Variants in MARF1 observed in about 807,000 individuals in gnomAD.
MARF1 encodes limkain-b1.
A neutral mutation model predicts 168.2 loss-of-function variants in MARF1; 24 were observed. The ratio of observed to expected loss-of-function variants is 0.14; its 90% CI spans 0.10 to 0.20. The LOEUF is 0.20. Ranked by LOEUF, MARF1 falls within the 10% of genes least tolerant of loss-of-function variation. MARF1 has a pLI of 1.00. For synonymous variants in MARF1, 868 were observed against 822.4 expected, an observed-to-expected ratio of 1.06 and a Z score of -0.95; for missense variants, 1,744 against 2,143.6, an observed-to-expected ratio of 0.81 and a Z score of 3.68.
chr16:15,631,575 T>A, intron 5 of MARF1, 77 bp from the exon 6 acceptor site: 8 of 1,013,216 alleles, frequency 7.9e-6, no homozygotes, highest in Non-Finnish European at 1.2e-5. Context: ...CCATATTTTT[T>A]ATTTTTTAAA....
chr16:15,599,422 G>T (rs2032169835), intron 25 of MARF1, among the ~76,000 whole-genome samples: 1 of 152,164 alleles, frequency 6.6e-6, no homozygotes, highest in African/African-American at 2.4e-5. Context: ...TGCTGACTCT[G>T]GGTGAGCTGT....
intron 1 of MARF1, among the ~76,000 whole-genome samples, 171 bp downstream of exon 1, chr16:15,642,847 A>C (rs1019486865): frequency 6.6e-6 from 1 of 151,828 alleles, no homozygotes; most frequent in African/African-American, 2.4e-5. Context: ...AGACAAGCCA[A>C]CTCTTTCGTG....
intron 3 of MARF1, chr16:15,635,431 A>T: frequency 1.8e-6 from 1 of 544,966 alleles, no homozygotes; most frequent in Non-Finnish European, 3.2e-6. Context: ...AAGAGGCTCT[A>T]AAAGTATAAA....
At chr16:15,602,821 ACT>A (rs2032639988) in intron 22 of MARF1, 1 of 320,698 alleles carries the variant, frequency 3.1e-6, no homozygotes, top group South Asian at 2.5e-5. Context: ...CACAGTGAAC[ACT>A]GGGGCCATTA....
chr16:15,639,346 A>G (rs184415792), intron 1 of MARF1, 55 bp from the exon 2 acceptor site: 10 of 1,168,790 alleles, frequency 8.6e-6, no homozygotes, highest in Non-Finnish European at 1.2e-5. Flanking sequence ...TACAAATTTT[A>G]CAACATACTA....
chr16:15,627,018 GAAAA>G (rs1375806687), intron 7 of MARF1, among the ~76,000 whole-genome samples: 1 of 144,662 alleles, frequency 6.9e-6, no homozygotes, highest in Non-Finnish European at 1.5e-5. Context: ...GAAAAAGAAA[GAAAA>G]GAGAGAGAGA....
rs1208542268 is a variant in MARF1 at position 15,596,507 on chromosome 16, AAAAG to A, written c.*182_*185del. 2 of 462,146 alleles carry A rather than the reference AAAAG, an allele frequency of 4.3e-6. No homozygotes were observed. The highest frequency in any genetic ancestry group is 2.0e-5 in the African/African-American group (1 of 49,784). 28.6% of individuals were successfully genotyped at this position (462,146 alleles called of 1,614,324 possible). ...GAAAAAAGAAAGAAAAAGGAAGAAGAAAAGAAAGACTTCAGCTCAAAGCTGTGTT... is the reference window on the plus strand; with the variant it reads ...GAAAAAAGAAAGAAAAAGGAAGAAGAAAAGACTTCAGCTCAAAGCTGTGTT... On this transcript the variant is annotated 3_prime_UTR_variant, in exon 27 of 27. Transcript: ENST00000396368.
At chr16:15,629,955 A>C (rs1480771614) in intron 7 of MARF1, among the ~76,000 whole-genome samples, 2 of 152,226 alleles carry the variant, frequency 1.3e-5, no homozygotes, top group South Asian at 4.1e-4. Context: ...TGCCAACCAC[A>C]CAAGTATGTG....
At chr16:15,636,937 A>G (rs1596507386) in intron 2 of MARF1, among the ~76,000 whole-genome samples, 1 of 152,334 alleles carries the variant, frequency 6.6e-6, no homozygotes, top group South Asian at 2.1e-4. Flanking sequence ...TGACAATTAT[A>G]TTGCAGCCAG....
chr16:15,608,893 C>T (rs961860365), intron 20 of MARF1, among the ~76,000 whole-genome samples: 2 of 152,196 alleles, frequency 1.3e-5, no homozygotes, highest in African/African-American at 4.8e-5. Flanking sequence ...GTACTCAGAC[C>T]TACCTTCAAC....
At chr16:15,633,881 A>T in intron 4 of MARF1, 38 bp from the exon 5 acceptor site, 1 of 1,487,428 alleles carries the variant, frequency 6.7e-7, no homozygotes, top group Non-Finnish European at 9.2e-7. Flanking sequence ...CTTGTAGTGG[A>T]AAATAAATGG....
chr16:15,610,893 GA>G, intron 19 of MARF1, 81 bp downstream of exon 19: 1 of 1,401,658 alleles, frequency 7.1e-7, no homozygotes, highest in Middle Eastern at 1.8e-4. Context: ...GACAGGGAGG[GA>G]AAACCACATC....
chr16:15,594,645 A>G lies in MARF1; in HGVS notation c.*2048T>C. On this transcript the variant is annotated 3_prime_UTR_variant, in exon 27 of 27. Transcript: ENST00000396368. ...AGAATTACATTGTCTTAATGCTCAA[A>G]CATCATTTTACCACATCATTTAATT... is the stretch of plus-strand genomic sequence containing the variant. 6.6e-6 allele frequency: 1 copy of G among 152,620 alleles called. No homozygotes were observed. The highest frequency in any genetic ancestry group is 1.9e-4 in the East Asian group (1 of 5,204). The allele number at this position is 152,620 out of a possible 1,614,324, so 9.5% of individuals were successfully genotyped here.
chr16:15,633,932 G>A, intron 4 of MARF1, 89 bp from the exon 5 acceptor site: 3 of 1,122,948 alleles, frequency 2.7e-6, no homozygotes, highest in Non-Finnish European at 3.8e-6. Flanking sequence ...CATTCTCAGT[G>A]GTAGAAAAAC....
chr16:15,599,679 T>C (rs2032204541), intron 25 of MARF1, among the ~76,000 whole-genome samples: 1 of 148,502 alleles, frequency 6.7e-6, no homozygotes, highest in South Asian at 2.1e-4. Context: ...AGAACTGCTA[T>C]AACATTCCAA....
intron 2 of MARF1, among the ~76,000 whole-genome samples, chr16:15,637,164 G>A (rs2035652749): frequency 6.6e-6 from 1 of 152,152 alleles, no homozygotes; most frequent in African/African-American, 2.4e-5. Flanking sequence ...TCCATAAACT[G>A]GGAATACAAT....
intron 5 of MARF1, among the ~76,000 whole-genome samples, chr16:15,632,020 T>A (rs1831363600): frequency 6.6e-6 from 1 of 152,230 alleles, no homozygotes; most frequent in African/African-American, 2.4e-5. Flanking sequence ...CATATTTTAA[T>A]AAGTAATTCT....
rs370627585 is a variant in MARF1, at chr16:15,596,949, G to C, written c.4985-12C>G. 1.9e-6 allele frequency: 3 copies of C among 1,589,556 alleles called. No homozygotes were observed. Among genetic ancestry groups the C allele is most frequent in the African/African-American group, 1.3e-5 (1 of 74,248 alleles). ...TAAAATCATAATTTCTGTAAACACAGAAAAGCAAACAGATTCAGATCCAGG... is the reference window on the plus strand; with the variant it reads ...TAAAATCATAATTTCTGTAAACACACAAAAGCAAACAGATTCAGATCCAGG... On this transcript the variant is annotated splice_polypyrimidine_tract_variant and intron_variant, in intron 26 of 26. Coordinates refer to ENST00000396368, the MANE Select transcript of MARF1 (RefSeq NM_014647.4).
At chr16:15,632,860 C>G (rs2035338691) in intron 5 of MARF1, among the ~76,000 whole-genome samples, 1 of 152,162 alleles carries the variant, frequency 6.6e-6, no homozygotes. Context: ...TGGATCTTTG[C>G]TCTTCCTGGC....
Sources: gnomAD v4.1 joint callset for allele counts (sites outside exome capture counted in the v4.1 genomes callset) on GRCh38, gnomAD v4.1.1 for gene constraint, MANE v1.5 for transcripts, NCBI Gene and HGNC (gene_info 2026-07-23, HGNC 2026-07-21) for gene names.